The following DTYMK variants were observed in gnomAD, a reference collection of about 807,000 sequenced individuals.
DTYMK encodes the protein thymidylate kinase.
Under a neutral mutation model 20.3 loss-of-function variants are expected in DTYMK, and 20 were observed. The ratio of observed to expected loss-of-function variants is 0.99; its 90% CI spans 0.69 to 1.43. The LOEUF is 1.43. Among genes scored for constraint, DTYMK ranks in the 40% most tolerant of loss-of-function variants. DTYMK has a pLI of 0.00. For synonymous variants in DTYMK, 148 were observed against 124.4 expected, an observed-to-expected ratio of 1.19 and a Z score of -1.27; for missense variants, 320 against 291.1, an observed-to-expected ratio of 1.10 and a Z score of -0.72.
In DTYMK at chr2:241,678,606, G is replaced by C. The variant is rs1475201759; in HGVS notation, c.374C>G (p.Pro125Arg). 17 of 1,614,176 alleles carry C rather than the reference G, an allele frequency of 1.1e-5. No individual in the cohort carries two copies. Among genetic ancestry groups the C allele is most frequent in the Non-Finnish European group, 1.4e-5 (17 of 1,180,040 alleles). Reference protein sequence around the residue: ...DWCKQPDVGLPKPDLVLFLQL... With the variant: ...DWCKQPDVGLRKPDLVLFLQL... ...GAGGAACAGGACCAGGTCGGGTTTG[G>C]GAAGGCCCACGTCTGGCTGTTTACA... The change falls in exon 4 of 5, where the codon CCC becomes CGC. Residue 125 changes from proline (P) to arginine (R), a missense_variant. By Grantham distance (103) the Pro-to-Arg change is moderately radical. Coordinates refer to ENST00000305784, the MANE Select transcript of DTYMK (RefSeq NM_012145.4).
chr2:241,679,143 G>C (rs2069183643), intron 3 of DTYMK, among the ~76,000 whole-genome samples: 1 of 152,250 alleles, frequency 6.6e-6, no homozygotes, highest in South Asian at 2.1e-4. Context: ...TTATGTGCCA[G>C]CCTAGTCTCA....
At chr2:241,681,534 T>TG (rs1418087223) in intron 2 of DTYMK, among the ~76,000 whole-genome samples, 1 of 150,732 alleles carries the variant, frequency 6.6e-6, no homozygotes, top group African/African-American at 2.4e-5. Context: ...CCACAAAAAG[T>TG]GGGGGAAAAA....
At chr2:241,676,616 G>A (rs1437717546) in intron 4 of DTYMK, among the ~76,000 whole-genome samples, 1 of 152,256 alleles carries the variant, frequency 6.6e-6, no homozygotes, top group Non-Finnish European at 1.5e-5. Flanking sequence ...AGTGTCTACG[G>A]TAGTCACCCG....
chr2:241,685,760 G>T lies in DTYMK; in HGVS notation c.239+9C>A. On this transcript the variant is annotated intron_variant, in intron 2 of 4. Coordinates refer to ENST00000305784, the MANE Select transcript of DTYMK (RefSeq NM_012145.4). ...AAGGGCAGAGGGAGCAGTGTGCAAT[G>T]GTTTTTACACTTGTTCCCAGCGATT... 6.2e-7 allele frequency: 1 copy of T among 1,613,132 alleles called. No homozygotes were observed. Among genetic ancestry groups the T allele is most frequent in the Non-Finnish European group, 8.5e-7 (1 of 1,179,116 alleles).
In DTYMK at chr2:241,686,655, C is replaced by T. The variant is rs1466750142; in HGVS notation, c.129G>A (p.Pro43=). The change falls in exon 1 of 5, where the codon CCG becomes CCA. Residue 43 remains proline, a splice_region_variant and synonymous_variant. Transcript: ENST00000305784. The part of the protein sequence containing the change: ...AGHRAELLRF[P]ERSTEIGKLL... ...GCACCCCCCGCCGCGCGCACCCACC[C>T]GGGAACCGGAGCAGTTCGGCGCGGT... 4.0e-6 allele frequency: 6 copies of T among 1,513,810 alleles called. No individual in the cohort carries two copies. In the African/African-American group the frequency reaches 5.8e-5, roughly 15 times the overall value. The allele number at this position is 1,513,810 out of a possible 1,614,324, so 93.8% of individuals were successfully genotyped here.
At chr2:241,684,214 A>T (rs2069327615) in intron 2 of DTYMK, among the ~76,000 whole-genome samples, 1 of 152,240 alleles carries the variant, frequency 6.6e-6, no homozygotes, top group South Asian at 2.1e-4. Context: ...TATTATCTAA[A>T]AAGTAAAATC....
chr2:241,686,570 CG>C, intron 1 of DTYMK, 83 bp downstream of exon 1: 1 of 1,393,804 alleles, frequency 7.2e-7, no homozygotes, highest in Non-Finnish European at 9.2e-7. Context: ...GCACGCCAGC[CG>C]CAGACAACGA....
At chr2:241,676,820 G>T (rs959249731) in intron 4 of DTYMK, among the ~76,000 whole-genome samples, 1 of 152,230 alleles carries the variant, frequency 6.6e-6, no homozygotes, top group African/African-American at 2.4e-5. Context: ...CGCAAGCGGC[G>T]AGTCGGAAGC....
Position 241,675,943 on chromosome 2 carries a change from C to T in DTYMK, c.*184G>A, listed in dbSNP as rs2069102642. 5 of 566,458 alleles carry T rather than the reference C, an allele frequency of 8.8e-6. No homozygotes were observed. Among genetic ancestry groups the T allele is most frequent in the Non-Finnish European group, 1.5e-5 (5 of 326,342 alleles). The allele number at this position is 566,458 out of a possible 1,614,324, so 35.1% of individuals were successfully genotyped here. ...TGCTCATGTCCACACTGCCAAGGTC[C>T]CCACCACGGGGGTCCCCAGTGCACC... On this transcript the variant is annotated 3_prime_UTR_variant, in exon 5 of 5. Coordinates refer to ENST00000305784, the MANE Select transcript of DTYMK (RefSeq NM_012145.4).
At chr2:241,677,145 C>G (rs1033567684) in intron 4 of DTYMK, among the ~76,000 whole-genome samples, 2 of 152,206 alleles carry the variant, frequency 1.3e-5, no homozygotes, top group Non-Finnish European at 2.9e-5. Flanking sequence ...GGACCCTTCT[C>G]AAGCTTCTGG....
At chr2:241,686,491 G>T (rs568831972) in intron 1 of DTYMK, among the ~76,000 whole-genome samples, 163 bp downstream of exon 1, 1 of 152,322 alleles carries the variant, frequency 6.6e-6, no homozygotes, top group East Asian at 1.9e-4. Flanking sequence ...CCGAGATGGC[G>T]CCACTGCACT....
At position 241,678,609 on chromosome 2, in the gene DTYMK, A is replaced by G; in HGVS notation, c.371T>C (p.Leu124Pro). Residue 124 changes from leucine (L) to proline (P), a missense_variant, in exon 4 of 5, where the codon CTT becomes CCT. Leu to Pro is a moderately conservative substitution (Grantham distance 98, BLOSUM62 -3). Transcript: ENST00000305784. ...LDWCKQPDVG[L>P]PKPDLVLFLQ... ...GAACAGGACCAGGTCGGGTTTGGGAAGGCCCACGTCTGGCTGTTTACACCA... is the reference window on the plus strand; with the variant it reads ...GAACAGGACCAGGTCGGGTTTGGGAGGGCCCACGTCTGGCTGTTTACACCA... 1 of 1,614,190 alleles carries G rather than the reference A, an allele frequency of 6.2e-7. No individual in the cohort carries two copies. The highest frequency in any genetic ancestry group is 8.5e-7 in the Non-Finnish European group (1 of 1,180,044).
intron 2 of DTYMK, 57 bp from the exon 3 acceptor site, chr2:241,680,376 A>C: frequency 6.3e-7 from 1 of 1,591,082 alleles, no homozygotes; most frequent in Non-Finnish European, 8.6e-7. Flanking sequence ...TGAACTGTCA[A>C]GCTTAAATTA....
chr2:241,678,850 C>G (rs896603225), intron 3 of DTYMK, among the ~76,000 whole-genome samples: 4 of 152,166 alleles, frequency 2.6e-5, no homozygotes, highest in African/African-American at 9.7e-5. Context: ...TGTAAACAGA[C>G]AAGTGGACAG....
At chr2:241,683,334 A>C (rs2069309209) in intron 2 of DTYMK, among the ~76,000 whole-genome samples, 1 of 152,210 alleles carries the variant, frequency 6.6e-6, no homozygotes, top group Non-Finnish European at 1.5e-5. Context: ...TGCTGCAGCC[A>C]CTTTGGAAGA....
At position 241,676,108 on chromosome 2, in the gene DTYMK, T is replaced by TC. The variant is rs759587121; in HGVS notation, c.*18dup. On this transcript the variant is annotated 3_prime_UTR_variant, in exon 5 of 5. Coordinates refer to ENST00000305784, the MANE Select transcript of DTYMK (RefSeq NM_012145.4). Reference sequence around the variant, plus strand: ...TCGGGGGACTGCAGGGAGAGGCGTCTCCAGTGGGCAGCCTTGGGTCACTTC... The same window carrying TC: ...TCGGGGGACTGCAGGGAGAGGCGTCTCCCAGTGGGCAGCCTTGGGTCACTTC... The TC allele has an allele frequency of 8.2e-6, 13 of 1,588,260 alleles. No homozygotes were observed. The highest frequency in any genetic ancestry group is 1.1e-5 in the Non-Finnish European group (13 of 1,165,806).
chr2:241,686,150 T>G (rs1276796963), intron 1 of DTYMK, among the ~76,000 whole-genome samples: 1 of 152,220 alleles, frequency 6.6e-6, no homozygotes, highest in East Asian at 1.9e-4. Flanking sequence ...ATAAAATTTG[T>G]GGACTGGGTG....
Position 241,686,675 on chromosome 2 carries a change from C to A in DTYMK, c.109G>T (p.Ala37Ser). ...CCACCCGGGAACCGGAGCAGTTCGG[C>A]GCGGTGGCCCGCGGCGCACAGCGCT... The part of the protein sequence containing the change: ...VEALCAAGHR[A>S]ELLRFPERST... The change falls in exon 1 of 5, where the codon GCC becomes TCC. Residue 37 changes from alanine to serine, a missense_variant. Physicochemically the swap from Ala to Ser is moderately conservative, Grantham distance 99. Coordinates refer to ENST00000305784, the MANE Select transcript of DTYMK (RefSeq NM_012145.4). 1 of 1,525,988 alleles carries A rather than the reference C, an allele frequency of 6.6e-7. No individual in the cohort carries two copies. Among genetic ancestry groups the A allele is most frequent in the East Asian group, 2.6e-5 (1 of 38,648 alleles). 94.5% of individuals were successfully genotyped at this position (1,525,988 alleles called of 1,614,324 possible).
At chr2:241,678,141 G>A (rs1270416421) in intron 4 of DTYMK, among the ~76,000 whole-genome samples, 3 of 152,042 alleles carry the variant, frequency 2.0e-5, no homozygotes, top group Non-Finnish European at 4.4e-5. Context: ...ATGATGGCAC[G>A]TGCCTGTAAT....
Sources: gnomAD v4.1 joint callset for allele counts (sites outside exome capture counted in the v4.1 genomes callset) on GRCh38, gnomAD v4.1.1 for gene constraint, MANE v1.5 for transcripts, NCBI Gene and HGNC (gene_info 2026-07-23, HGNC 2026-07-21) for gene names.